Variants in CACNA1H observed in about 807,000 individuals in gnomAD.
The protein encoded by CACNA1H is calcium voltage-gated channel subunit alpha1 H.
CACNA1H carries 149 observed loss-of-function variants against 192.5 expected under a neutral mutation model. The ratio of observed to expected loss-of-function variants is 0.77; its 90% CI spans 0.68 to 0.89. CACNA1H has a LOEUF of 0.89. CACNA1H is among the 40% of genes least tolerant of loss of function. The pLI, the probability that CACNA1H is intolerant of heterozygous loss-of-function variation, is 0.00. For synonymous variants in CACNA1H, 2,202 were observed against 1,475.2 expected (o/e 1.49, Z -11.29); for missense variants, 4,257 against 3,423.5 (o/e 1.24, Z -6.08).
rs1486961984 is a variant in CACNA1H at position 1,197,626 on chromosome 16, C to T, written c.644-989C>T. On this transcript the variant is annotated intron_variant, in intron 5 of 34. Transcript: ENST00000348261. ...TCTGGGTCATCTGTGATCTTTGAGG[C>T]GGTTGCGGTCTGGCCAGGGCAGTGC... Among the ~76,000 whole-genome samples the T allele has an allele frequency of 3.9e-5, 6 of 152,194 alleles. No homozygotes were observed. In the South Asian group the frequency reaches 1.0e-3, roughly 26 times the overall value.
intron 2 of CACNA1H, among the ~76,000 whole-genome samples, chr16:1,164,345 C>CTT (rs1187858642): frequency 6.6e-6 from 1 of 152,072 alleles, no homozygotes; most frequent in East Asian, 1.9e-4. Flanking sequence ...TTTTTCTTTT[C>CTT]TTTTTTGAGA....
At chr16:1,172,192 C>T (rs572168047) in intron 2 of CACNA1H, among the ~76,000 whole-genome samples, 3 of 152,300 alleles carry the variant, frequency 2.0e-5, no homozygotes, top group Admixed American at 1.3e-4. Flanking sequence ...GTGCCTCGAT[C>T]CGGCTGGCCC....
In CACNA1H at chr16:1,208,159, C is replaced by T. The variant is rs769570403; in HGVS notation, c.3301C>T (p.Pro1101Ser). The T allele has an allele frequency of 3.2e-6, 5 of 1,575,964 alleles. No individual in the cohort carries two copies. The highest frequency in any genetic ancestry group is 2.3e-5 in the South Asian group (2 of 85,830). ...SPFLDAAPSLPDSRRGSSSSG... is the reference protein window; with the variant it reads ...SPFLDAAPSLSDSRRGSSSSG... The stretch of plus-strand genomic sequence containing the variant: ...ATTCCTGGATGCAGCCCCCAGCCTC[C>T]CAGACTCTCGGCGTGGCAGCAGCAG... Residue 1101 changes from proline to serine, a missense_variant, in exon 16 of 35, where the codon CCA becomes TCA. By Grantham distance (74) the Pro-to-Ser change is moderately conservative. Transcript: ENST00000348261.
At chr16:1,219,288 A>C (rs1410578824) in intron 34 of CACNA1H, among the ~76,000 whole-genome samples, 158 bp downstream of exon 34, 3 of 152,176 alleles carry the variant, frequency 2.0e-5, no homozygotes, top group African/African-American at 7.2e-5. Flanking sequence ...TGCTTGGTGG[A>C]TCTTGGAGCA....
In CACNA1H at chr16:1,204,546, C is replaced by G. The variant is rs367671434; in HGVS notation, c.2451+88C>G. The G allele has an allele frequency of 3.2e-4, 335 of 1,052,956 alleles. 1 individual carries two copies. In the African/African-American group the frequency reaches 4.8e-3, roughly 15 times the overall value. The allele number at this position is 1,052,956 out of a possible 1,614,324, so 65.2% of individuals were successfully genotyped here. A position where few individuals can be genotyped will look rare whatever the true frequency, so the allele number is the denominator to read the frequency against. ...AGGAGGCTTCCAGCAGCCCCGATGC[C>G]TGACCTGATGGTAGGACGGTCAGGC... On this transcript the variant is annotated intron_variant, in intron 10 of 34. Coordinates refer to ENST00000348261, the MANE Select transcript of CACNA1H (RefSeq NM_021098.3).
intron 2 of CACNA1H, among the ~76,000 whole-genome samples, chr16:1,172,695 A>G (rs111616452): frequency 0.019 from 2,871 of 152,196 alleles, 64 homozygotes; most frequent in African/African-American, 0.051. Context: ...AGCCACCCGC[A>G]TGGGTGTGGG....
rs1964417843 is a variant in CACNA1H at position 1,172,040 on chromosome 16, C to A, written c.299+18004C>A. On this transcript the variant is annotated intron_variant, in intron 2 of 34. Coordinates refer to ENST00000348261, the MANE Select transcript of CACNA1H (RefSeq NM_021098.3). ...AGTCCGAGTGGGTCGGCTCAAGGTC[C>A]TGGGGTCCCCAGCAGCCTTCACTGA... is the stretch of plus-strand genomic sequence containing the variant. Among the ~76,000 whole-genome samples the A allele has an allele frequency of 1.3e-5, 2 of 152,232 alleles. 1 individual carries two copies. The highest frequency in any genetic ancestry group is 4.1e-4 in the South Asian group (2 of 4,834).
chr16:1,195,091 G>A lies in CACNA1H; in HGVS notation c.411+8G>A, dbSNP rs745896355. On this transcript the variant is annotated splice_region_variant and intron_variant, in intron 3 of 34. Coordinates refer to ENST00000348261, the MANE Select transcript of CACNA1H (RefSeq NM_021098.3). ...CGCTGCAACATCCTGGAGGTGAGGG[G>A]CGTGGGTCGGGGTGGGGAAGGAGCG... 2 of 1,585,932 alleles carry A rather than the reference G, an allele frequency of 1.3e-6. No homozygotes were observed. Among genetic ancestry groups the A allele is most frequent in the African/African-American group, 1.3e-5 (1 of 74,104 alleles).
At position 1,186,535 on chromosome 16, in the gene CACNA1H, G is replaced by A. The variant is rs553414619; in HGVS notation, c.300-8437G>A. The stretch of plus-strand genomic sequence containing the variant: ...CCTCTCCACGGCGTTCTCATCCTCC[G>A]GCGATTCCCTGGGAACGTCTCTGTA... On this transcript the variant is annotated intron_variant, in intron 2 of 34. Transcript: ENST00000348261. Among the ~76,000 whole-genome samples, 9 of 152,162 alleles carry A rather than the reference G, an allele frequency of 5.9e-5. No individual in the cohort carries two copies. The South Asian group carries it at 8.3e-4, about 14-fold the overall frequency.
chr16:1,182,961 G>A (rs1405280190), intron 2 of CACNA1H, among the ~76,000 whole-genome samples: 24 of 152,048 alleles, frequency 1.6e-4, no homozygotes. Context: ...TTCTCAGGAG[G>A]GCAAGCCCAC....
chr16:1,218,352 T>G lies in CACNA1H; in HGVS notation c.5588T>G (p.Leu1863Arg). The G allele has an allele frequency of 6.4e-7, 1 of 1,562,236 alleles. No individual in the cohort carries two copies. Among genetic ancestry groups the G allele is most frequent in the Non-Finnish European group, 8.7e-7 (1 of 1,154,182 alleles). Residue 1863 changes from leucine to arginine, a missense_variant, in exon 33 of 35, where the codon CTG (leucine) becomes CGG (arginine). Transcript: ENST00000348261. ...NVVVAVLMKH[L>R]EESNKEARED... is the part of the protein sequence containing the mutation. The stretch of plus-strand genomic sequence containing the variant: ...GTGGTGGCCGTGCTCATGAAGCACC[T>G]GGAGGAGAGCAACAAGGAGGCACGG...
intron 31 of CACNA1H, 146 bp downstream of exon 31, chr16:1,217,156 C>G (rs1970095562): frequency 1.5e-6 from 1 of 684,130 alleles, no homozygotes; most frequent in Non-Finnish European, 2.4e-6. Context: ...TCACCCGGCC[C>G]TGCTTCCGGA....
chr16:1,216,364 C>T (rs571337480), intron 30 of CACNA1H, among the ~76,000 whole-genome samples: 4 of 152,368 alleles, frequency 2.6e-5, no homozygotes, highest in Middle Eastern at 3.4e-3. Context: ...AGGGGCGTGG[C>T]GTAGGACAGG....
intron 2 of CACNA1H, among the ~76,000 whole-genome samples, chr16:1,177,244 C>A (rs1015632220): frequency 6.6e-6 from 1 of 152,238 alleles, no homozygotes; most frequent in Non-Finnish European, 1.5e-5. Flanking sequence ...TGCTGTCCCC[C>A]AGGCCTCTCC....
rs200520956 is a variant in CACNA1H, at chr16:1,200,261, A to C, written c.809A>C (p.Asn270Thr). 962 of 1,596,506 alleles carry C rather than the reference A, an allele frequency of 6.0e-4. No individual in the cohort carries two copies. Among genetic ancestry groups the C allele is most frequent in the Non-Finnish European group, 7.7e-4 (900 of 1,170,944 alleles). Residue 270 changes from asparagine (N) to threonine (T), a missense_variant, in exon 7 of 35, where the codon AAC becomes ACC. Coordinates refer to ENST00000348261, the MANE Select transcript of CACNA1H (RefSeq NM_021098.3). ...CTGGCTGTGCCCATCCCCAGGAACA[A>C]CAACCTGACCTTCCTGCGGCCGTAC... ...CFLDSAFVRN[N>T]NLTFLRPYYQ...
intron 2 of CACNA1H, among the ~76,000 whole-genome samples, chr16:1,154,972 C>T (rs1368155779): frequency 6.6e-6 from 1 of 152,192 alleles, no homozygotes; most frequent in Non-Finnish European, 1.5e-5. Context: ...CAGGCCGTGG[C>T]TTCTGCTCCG....
In CACNA1H at chr16:1,167,425, G is replaced by A. The variant is rs1336303417; in HGVS notation, c.299+13389G>A. 6.6e-6 allele frequency among the ~76,000 whole-genome samples: 1 copy of A among 152,124 alleles called. No homozygotes were observed. The highest frequency in any genetic ancestry group is 1.5e-5 in the Non-Finnish European group (1 of 68,016). On this transcript the variant is annotated intron_variant, in intron 2 of 34. Transcript: ENST00000348261. The surrounding 1 kb of genome is among the most constrained non-coding windows in gnomAD (Gnocchi z 4.2). ...TTGCACGGCATCCATCCCTCCATCC[G>A]TCCTCTGGAGAATTTCAACACCCAC...
chr16:1,217,125 C>T, intron 31 of CACNA1H, 115 bp downstream of exon 31: 1 of 858,096 alleles, frequency 1.2e-6, no homozygotes, highest in Non-Finnish European at 1.8e-6. Flanking sequence ...CTGATCAGGG[C>T]CACACGCCTC....
In CACNA1H at chr16:1,209,282, G is replaced by C. The variant is rs58594334; in HGVS notation, c.3614G>C (p.Arg1205Pro). The C allele has an allele frequency of 2.6e-6, 4 of 1,564,102 alleles. No individual in the cohort carries two copies. The highest frequency in any genetic ancestry group is 3.7e-5 in the Admixed American group (2 of 54,004). ...RAESLDPRPL[R>P]PAALPPTKCR... Reference sequence around the variant, plus strand: ...GAGTCCCTGGACCCACGGCCCCTGCGGCCGGCCGCCCTCCCGCCTACCAAG... The same window carrying C: ...GAGTCCCTGGACCCACGGCCCCTGCCGCCGGCCGCCCTCCCGCCTACCAAG... Residue 1205 changes from arginine (R) to proline (P), a missense_variant, in exon 17 of 35, where the codon CGG (arginine) becomes CCG (proline). Coordinates refer to ENST00000348261, the MANE Select transcript of CACNA1H (RefSeq NM_021098.3).
Sources: allele counts gnomAD v4.1 joint callset (sites outside exome capture counted in the v4.1 genomes callset), GRCh38; gene constraint gnomAD v4.1.1; non-coding constraint Gnocchi (gnomAD v3.1); transcripts MANE v1.5; gene names NCBI Gene and HGNC (gene_info 2026-07-23, HGNC 2026-07-21).